Variants in FAM110B observed in about 807,000 individuals in gnomAD.
The protein encoded by FAM110B is protein FAM110B.
FAM110B carries 6 observed loss-of-function variants against 20.4 expected under a neutral mutation model. The ratio of observed to expected loss-of-function variants is 0.29; its 90% CI spans 0.16 to 0.58. The LOEUF (loss-of-function observed/expected upper bound fraction) is 0.58. FAM110B is among the 20% of genes least tolerant of loss of function. FAM110B has a pLI of 0.90. For missense variants in FAM110B, 434 were observed against 498.2 expected (o/e 0.87, Z 1.23); for synonymous variants, 226 against 214.1 (o/e 1.06, Z -0.49).
chr8:58,126,981 G>A (rs183770702), intron 3 of FAM110B, among the ~76,000 whole-genome samples: 1 of 152,224 alleles, frequency 6.6e-6, no homozygotes, highest in African/African-American at 2.4e-5. Flanking sequence ...TCAAGCCACA[G>A]ATCCTAAAGA....
At chr8:58,128,761 G>A (rs561113447) in intron 3 of FAM110B, among the ~76,000 whole-genome samples, 1 of 152,212 alleles carries the variant, frequency 6.6e-6, no homozygotes, top group Admixed American at 6.5e-5. Flanking sequence ...TGAAAAAGCT[G>A]GCATTGAAAA....
chr8:58,040,398 G>A (rs909549826), intron 2 of FAM110B, among the ~76,000 whole-genome samples: 6 of 152,128 alleles, frequency 3.9e-5, no homozygotes, highest in South Asian at 2.1e-4. Flanking sequence ...TGCCATATGC[G>A]CATGGCGGCT....
chr8:57,997,853 G>A (rs1021493067), intron 1 of FAM110B, among the ~76,000 whole-genome samples: 6 of 152,344 alleles, frequency 3.9e-5, no homozygotes, highest in Admixed American at 3.9e-4. Context: ...GGTGGGTGTG[G>A]TGTCTCCTCT....
At chr8:58,143,350 A>C (rs1333292955) in intron 3 of FAM110B, among the ~76,000 whole-genome samples, 2 of 152,222 alleles carry the variant, frequency 1.3e-5, no homozygotes, top group Non-Finnish European at 2.9e-5. Flanking sequence ...CAAAACTATA[A>C]ACTCTAACCA....
intron 1 of FAM110B, among the ~76,000 whole-genome samples, chr8:58,003,109 A>C (rs1287775247): frequency 6.6e-6 from 1 of 152,222 alleles, no homozygotes; most frequent in African/African-American, 2.4e-5. Context: ...TCCTTTCAAC[A>C]GTGTTTAGAG....
At chr8:58,095,065 A>G (rs1369582960) in intron 3 of FAM110B, among the ~76,000 whole-genome samples, 1 of 152,052 alleles carries the variant, frequency 6.6e-6, no homozygotes, top group Non-Finnish European at 1.5e-5. Flanking sequence ...CTCTGATGGT[A>G]GTTTGTATTT....
At chr8:58,124,196 T>C (rs1807435189) in intron 3 of FAM110B, among the ~76,000 whole-genome samples, 2 of 152,222 alleles carry the variant, frequency 1.3e-5, no homozygotes, top group Non-Finnish European at 2.9e-5. Context: ...AGGCCACATA[T>C]ACTGGCAGAA....
At chr8:58,023,884 GA>G (rs772958026) in intron 1 of FAM110B, among the ~76,000 whole-genome samples, 7 of 152,194 alleles carry the variant, frequency 4.6e-5, no homozygotes, top group Non-Finnish European at 1.0e-4. Context: ...TGTTAAAAAT[GA>G]AACTGTGAGC....
At chr8:58,100,448 A>C (rs1311996851) in intron 3 of FAM110B, among the ~76,000 whole-genome samples, 1 of 152,230 alleles carries the variant, frequency 6.6e-6, no homozygotes, top group East Asian at 1.9e-4. Flanking sequence ...TGGTTGAGAC[A>C]ACAGAAATGT....
chr8:58,012,144 G>A (rs922806822), intron 1 of FAM110B, among the ~76,000 whole-genome samples: 2 of 152,206 alleles, frequency 1.3e-5, no homozygotes, highest in South Asian at 2.1e-4. Flanking sequence ...CAAAATTGAG[G>A]TGAAACTATA....
intron 2 of FAM110B, among the ~76,000 whole-genome samples, chr8:58,056,802 T>C (rs188364666): frequency 1.3e-3 from 196 of 152,280 alleles, no homozygotes; most frequent in African/African-American, 4.1e-3. Context: ...AGTATGGTAA[T>C]GGTGGGTCCC....
chr8:58,070,582 G>GT (rs1374711672), intron 2 of FAM110B, among the ~76,000 whole-genome samples: 1 of 152,170 alleles, frequency 6.6e-6, no homozygotes, highest in African/African-American at 2.4e-5. Context: ...AAGGAATAAT[G>GT]TTTTTACCTG....
chr8:58,021,379 G>A (rs1327911664), intron 1 of FAM110B, among the ~76,000 whole-genome samples: 16 of 152,084 alleles, frequency 1.1e-4, no homozygotes, highest in Admixed American at 1.0e-3. Flanking sequence ...ATAAAACCAA[G>A]CATTGCTCTG....
At chr8:58,095,721 T>C (rs568508691) in intron 3 of FAM110B, among the ~76,000 whole-genome samples, 2 of 152,268 alleles carry the variant, frequency 1.3e-5, no homozygotes, top group East Asian at 3.9e-4. Context: ...TTCTGTTGAT[T>C]TGGGGTGGAG....
chr8:58,146,980 C>T lies in FAM110B; in HGVS notation c.750C>T (p.Val250=), dbSNP rs759220388. 1.2e-6 allele frequency: 2 copies of T among 1,614,118 alleles called. No individual in the cohort carries two copies. The highest frequency in any genetic ancestry group is 1.3e-5 in the African/African-American group (1 of 74,942). Residue 250 remains valine (V), a synonymous_variant, in exon 4 of 4, where the codon GTC becomes GTT. Transcript: ENST00000519262. ...ACCCTGTGGAACCAGCTTGTGGAGTCAGCCGAAGACCCTCCCTCCAGCGGT... is the reference window on the plus strand; with the variant it reads ...ACCCTGTGGAACCAGCTTGTGGAGTTAGCCGAAGACCCTCCCTCCAGCGGT... ...EADPVEPACG[V]SRRPSLQRSK...
intron 1 of FAM110B, among the ~76,000 whole-genome samples, chr8:58,028,805 T>C (rs888961340): frequency 6.6e-6 from 1 of 152,196 alleles, no homozygotes. Context: ...TATCTTACCT[T>C]GCTTCCTTGC....
At chr8:58,056,675 CA>C (rs1447761238) in intron 2 of FAM110B, among the ~76,000 whole-genome samples, 2 of 152,208 alleles carry the variant, frequency 1.3e-5, no homozygotes, top group Non-Finnish European at 2.9e-5. Flanking sequence ...TGTGTGCATG[CA>C]TTTCTGTGAA....
At chr8:58,128,368 A>G (rs766247099) in intron 3 of FAM110B, among the ~76,000 whole-genome samples, 2 of 152,138 alleles carry the variant, frequency 1.3e-5, no homozygotes, top group Non-Finnish European at 2.9e-5. Flanking sequence ...GGATTCTCAC[A>G]TCAAGTGCTC....
At chr8:58,021,902 A>G (rs13279262) in intron 1 of FAM110B, among the ~76,000 whole-genome samples, 24,046 of 152,132 alleles carry the variant, frequency 0.16, 2,370 homozygotes, top group African/African-American at 0.26. Context: ...TGGAAAGTTC[A>G]ATCTGCGGTG....
Sources: gnomAD v4.1 joint callset for allele counts (sites outside exome capture counted in the v4.1 genomes callset) on GRCh38, gnomAD v4.1.1 for gene constraint, MANE v1.5 for transcripts, NCBI Gene and HGNC (gene_info 2026-07-23, HGNC 2026-07-21) for gene names.